Variants in PRKG2 observed in about 807,000 individuals in gnomAD.
PRKG2 encodes the protein cGMP-dependent protein kinase 2.
A neutral mutation model predicts 97.2 loss-of-function variants in PRKG2; 33 were observed. The observed-to-expected ratio is 0.34, with a 90% CI of 0.26 to 0.45. The LOEUF is 0.45. Ranked by LOEUF, PRKG2 falls within the 20% of genes least tolerant of loss-of-function variation. PRKG2 has a pLI of 1.00. For synonymous variants in PRKG2, 330 were observed against 321.8 expected (o/e 1.03, Z -0.27); for missense variants, 638 against 900.0 (o/e 0.71, Z 3.73).
chr4:81,146,864 C>G (rs1010674396), intron 9 of PRKG2, among the ~76,000 whole-genome samples: 1 of 152,098 alleles, frequency 6.6e-6, no homozygotes, highest in African/African-American at 2.4e-5. Flanking sequence ...TAAGTCATAG[C>G]TAGGATGATC....
chr4:81,123,614 C>T (rs1450184631), intron 14 of PRKG2, among the ~76,000 whole-genome samples: 2 of 152,184 alleles, frequency 1.3e-5, no homozygotes, highest in Non-Finnish European at 2.9e-5. Flanking sequence ...CCATGTTAGA[C>T]AGGATGGTCT....
chr4:81,158,375 C>G (rs1481533016), intron 6 of PRKG2, among the ~76,000 whole-genome samples: 2 of 145,572 alleles, frequency 1.4e-5, no homozygotes, highest in South Asian at 2.1e-4. Flanking sequence ...ACTTACAAGG[C>G]ATGTGAAGGA....
intron 11 of PRKG2, 95 bp downstream of exon 11, chr4:81,142,699 T>G: frequency 2.2e-6 from 3 of 1,352,594 alleles, no homozygotes; most frequent in Non-Finnish European, 3.0e-6. Flanking sequence ...AAGATAGCAG[T>G]AACAATTCAT....
intron 17 of PRKG2, among the ~76,000 whole-genome samples, chr4:81,096,650 A>G (rs1113771): frequency 0.23 from 35,666 of 152,162 alleles, 7,573 homozygotes; most frequent in African/African-American, 0.55. Flanking sequence ...TTTCAACAAT[A>G]TTCACAGCAT....
At chr4:81,198,561 G>C (rs575540968) in intron 2 of PRKG2, among the ~76,000 whole-genome samples, 1 of 152,046 alleles carries the variant, frequency 6.6e-6, no homozygotes, top group Non-Finnish European at 1.5e-5. Flanking sequence ...TCACACTGTA[G>C]GCTGCACAGG....
rs147179264 is a variant in PRKG2 at position 81,149,102 on chromosome 4, C to G, written c.1086-150G>C. The G allele has an allele frequency of 2.5e-3, 1,770 of 711,392 alleles. 29 individuals carry two copies. In the African/African-American group the frequency reaches 0.029, roughly 12 times the overall value. The allele number at this position is 711,392 out of a possible 1,614,324, so 44.1% of individuals were successfully genotyped here. A position where few individuals can be genotyped will look rare whatever the true frequency, so the allele number is the denominator to read the frequency against. ...CTTTTAAACATCATAATTTATATCC[C>G]CCCAAAAAAAGATTTGAAATGTGCC... On this transcript the variant is annotated intron_variant, in intron 8 of 18. Transcript: ENST00000264399.
intron 17 of PRKG2, among the ~76,000 whole-genome samples, chr4:81,103,805 G>A (rs1743049632): frequency 6.6e-6 from 1 of 152,172 alleles, no homozygotes. Context: ...GGCTGAGGCA[G>A]GTGGATCATG....
intron 2 of PRKG2, among the ~76,000 whole-genome samples, chr4:81,191,351 CAT>C (rs1341060897): frequency 6.6e-6 from 1 of 152,054 alleles, no homozygotes; most frequent in African/African-American, 2.4e-5. Context: ...CAAAACACCA[CAT>C]GTTCTCACTC....
chr4:81,140,340 G>A (rs963743614), intron 12 of PRKG2, among the ~76,000 whole-genome samples, 193 bp downstream of exon 12: 19 of 152,072 alleles, frequency 1.2e-4, no homozygotes, highest in African/African-American at 3.9e-4. Context: ...AATGCTCAAG[G>A]GGATGGATAC....
At chr4:81,159,571 A>C (rs1749426447) in intron 6 of PRKG2, among the ~76,000 whole-genome samples, 1 of 152,140 alleles carries the variant, frequency 6.6e-6, no homozygotes, top group South Asian at 2.1e-4. Flanking sequence ...GGGATCTAGA[A>C]CTAGAAATAC....
upstream of PRKG2, among the ~76,000 whole-genome samples, chr4:81,217,038 T>TATATATATAC (rs1754301757): frequency 3.6e-5 from 5 of 139,880 alleles, 1 homozygote; most frequent in Admixed American, 7.0e-5. Context: ...TTTGTATATA[T>TATATATATAC]ATATATATAT....
At chr4:81,131,173 T>C (rs1746139906) in intron 14 of PRKG2, among the ~76,000 whole-genome samples, 1 of 149,260 alleles carries the variant, frequency 6.7e-6, no homozygotes, top group African/African-American at 2.6e-5. Flanking sequence ...AAAAGCTTAG[T>C]ATCTGGGGCC....
At chr4:81,195,570 C>A (rs1208951661) in intron 2 of PRKG2, among the ~76,000 whole-genome samples, 2 of 152,146 alleles carry the variant, frequency 1.3e-5, no homozygotes, top group Admixed American at 6.5e-5. Context: ...CTGCTCCTGG[C>A]AATCTCCATT....
intron 14 of PRKG2, among the ~76,000 whole-genome samples, chr4:81,125,771 A>G (rs911136567): frequency 6.6e-6 from 1 of 152,206 alleles, no homozygotes; most frequent in Non-Finnish European, 1.5e-5. Flanking sequence ...GGTATTATAA[A>G]TCTTTTTAAG....
intron 2 of PRKG2, among the ~76,000 whole-genome samples, chr4:81,179,252 T>TA (rs1751199568): frequency 1.3e-5 from 2 of 152,026 alleles, no homozygotes; most frequent in Admixed American, 1.3e-4. Context: ...TATCTAGGCC[T>TA]ACCATAGTCA....
At chr4:81,191,377 G>A (rs1411818526) in intron 2 of PRKG2, among the ~76,000 whole-genome samples, 1 of 152,042 alleles carries the variant, frequency 6.6e-6, no homozygotes, top group East Asian at 1.9e-4. Context: ...AGTGGGAGAT[G>A]AACAATGAGA....
At chr4:81,140,193 T>C (rs912034484) in intron 12 of PRKG2, among the ~76,000 whole-genome samples, 1 of 152,102 alleles carries the variant, frequency 6.6e-6, no homozygotes, top group Non-Finnish European at 1.5e-5. Context: ...AGATGGTTAA[T>C]GGGTACAAAA....
At chr4:81,212,812 A>T (rs868582847) in intron 1 of PRKG2, among the ~76,000 whole-genome samples, 1 of 152,214 alleles carries the variant, frequency 6.6e-6, no homozygotes, top group Admixed American at 6.5e-5. Flanking sequence ...AAACTGTAAG[A>T]TATGGTAAGA....
At chr4:81,179,996 G>T (rs1751269185) in intron 2 of PRKG2, among the ~76,000 whole-genome samples, 2 of 152,064 alleles carry the variant, frequency 1.3e-5, no homozygotes, top group African/African-American at 4.8e-5. Flanking sequence ...AGCCAGGCAT[G>T]GTAGCAGCCA....
Sources: allele counts gnomAD v4.1 joint callset (sites outside exome capture counted in the v4.1 genomes callset), GRCh38; gene constraint gnomAD v4.1.1; transcripts MANE v1.5; gene names NCBI Gene and HGNC (gene_info 2026-07-23, HGNC 2026-07-21).